LTBP1: variants seen among roughly 807,000 people sequenced by gnomAD.
LTBP1 encodes the protein latent transforming growth factor beta binding protein 1.
LTBP1 carries 129 observed loss-of-function variants against 207.6 expected under a neutral mutation model. The observed-to-expected ratio is 0.62, with a 90% CI of 0.54 to 0.72. LTBP1 has a LOEUF of 0.72. Among genes scored for constraint, LTBP1 ranks in the 30% least tolerant of loss-of-function variants. The pLI is 0.00. For synonymous variants in LTBP1, 963 were observed against 833.7 expected (o/e 1.16, Z -2.67); for missense variants, 2,281 against 2,217.2 (o/e 1.03, Z -0.58).
intron 7 of LTBP1, among the ~76,000 whole-genome samples, chr2:33,197,725 T>C (rs866569182): frequency 1.1e-4 from 17 of 152,310 alleles, no homozygotes; most frequent in African/African-American, 3.8e-4. Context: ...CCAGATGGTA[T>C]GAAAAGGCCT....
intron 5 of LTBP1, among the ~76,000 whole-genome samples, chr2:33,141,237 G>A (rs1407930649): frequency 6.6e-6 from 1 of 152,236 alleles, no homozygotes; most frequent in Non-Finnish European, 1.5e-5. Flanking sequence ...GATGCCTAAA[G>A]TAGTCAAGTT....
intron 24 of LTBP1, among the ~76,000 whole-genome samples, chr2:33,328,060 G>A (rs539796411): frequency 1.3e-5 from 2 of 151,548 alleles, no homozygotes; most frequent in Admixed American, 6.6e-5. Context: ...GCTTGAAACC[G>A]GAAGGTGAAG....
At chr2:33,170,288 G>A (rs1413919620) in intron 5 of LTBP1, among the ~76,000 whole-genome samples, 1 of 151,268 alleles carries the variant, frequency 6.6e-6, no homozygotes, top group Non-Finnish European at 1.5e-5. Context: ...GGAAAATCGG[G>A]TCACTCCCAC....
At chr2:33,188,413 G>A (rs2087445233) in intron 6 of LTBP1, among the ~76,000 whole-genome samples, 164 bp from the exon 7 acceptor site, 1 of 98,548 alleles carries the variant, frequency 1.0e-5, no homozygotes, top group Non-Finnish European at 2.0e-5. Context: ...GGTGACCAGA[G>A]CGAAACTCCA....
chr2:33,009,407 G>A (rs1284368360), intron 2 of LTBP1, among the ~76,000 whole-genome samples: 1 of 152,172 alleles, frequency 6.6e-6, no homozygotes, highest in African/African-American at 2.4e-5. Context: ...CCTTGCAGAT[G>A]TAATTATTTA....
chr2:33,126,288 C>T (rs1467545333), intron 4 of LTBP1, among the ~76,000 whole-genome samples: 2 of 152,050 alleles, frequency 1.3e-5, no homozygotes, highest in Non-Finnish European at 2.9e-5. Context: ...GGGTTAGTCT[C>T]GATCTCCTGA....
chr2:33,076,924 C>T (rs995101248), intron 3 of LTBP1, among the ~76,000 whole-genome samples: 1 of 152,040 alleles, frequency 6.6e-6, no homozygotes, highest in African/African-American at 2.4e-5. Flanking sequence ...TTCAGTGAGG[C>T]GAGGGGCTTA....
rs534942721 is a variant in LTBP1, at chr2:32,980,956, G to A, written c.565+32011G>A. On this transcript the variant is annotated intron_variant, in intron 2 of 33. Coordinates refer to ENST00000404816, the MANE Select transcript of LTBP1 (RefSeq NM_206943.4). Reference sequence around the variant, plus strand: ...AAAAGCCTGCTGCCAGATGTATTGCGCTCCATTGTATGTTACTTGTTTCTT... The same window carrying A: ...AAAAGCCTGCTGCCAGATGTATTGCACTCCATTGTATGTTACTTGTTTCTT... Among the ~76,000 whole-genome samples the A allele has an allele frequency of 3.3e-5, 5 of 152,174 alleles. No individual in the cohort carries two copies. In the East Asian group the frequency reaches 5.8e-4, roughly 18 times the overall value.
chr2:33,182,323 G>A (rs2086721633), intron 5 of LTBP1, among the ~76,000 whole-genome samples: 1 of 151,916 alleles, frequency 6.6e-6, no homozygotes, highest in African/African-American at 2.4e-5. Context: ...GCTGATATTG[G>A]GAATACCTTG....
At chr2:33,303,683 C>T (rs926179770) in intron 22 of LTBP1, among the ~76,000 whole-genome samples, 1 of 152,046 alleles carries the variant, frequency 6.6e-6, no homozygotes, top group African/African-American at 2.4e-5. Context: ...GAGCGTGCAA[C>T]CTAGATCCCT....
intron 9 of LTBP1, among the ~76,000 whole-genome samples, chr2:33,230,391 T>C (rs1197409717): frequency 6.6e-6 from 1 of 152,176 alleles, no homozygotes; most frequent in Non-Finnish European, 1.5e-5. Context: ...CTAGTGGTGC[T>C]GCAATTATCT....
chr2:33,097,303 G>A (rs866319259), intron 3 of LTBP1, among the ~76,000 whole-genome samples: 1 of 152,138 alleles, frequency 6.6e-6, no homozygotes, highest in Non-Finnish European at 1.5e-5. Flanking sequence ...AATAGTTCAA[G>A]TGGATGAAAT....
chr2:32,998,832 C>G (rs779732696), intron 2 of LTBP1, among the ~76,000 whole-genome samples: 1 of 152,220 alleles, frequency 6.6e-6, no homozygotes, highest in South Asian at 2.1e-4. Context: ...CCTGACTATG[C>G]TGGCACCCTG....
intron 2 of LTBP1, among the ~76,000 whole-genome samples, chr2:33,017,824 A>G (rs861712): frequency 0.89 from 136,165 of 152,162 alleles, 62,656 homozygotes; most frequent in East Asian, 1. Context: ...CACCGTGTTA[A>G]CCAGGATGGT....
intron 3 of LTBP1, among the ~76,000 whole-genome samples, chr2:33,023,561 A>G (rs1298607910): frequency 6.6e-6 from 1 of 152,188 alleles, no homozygotes; most frequent in Non-Finnish European, 1.5e-5. Context: ...AGGCATGTAT[A>G]TATGGGTGTG....
intron 3 of LTBP1, among the ~76,000 whole-genome samples, chr2:33,062,096 C>T (rs935005203): frequency 6.6e-6 from 1 of 152,114 alleles, no homozygotes; most frequent in African/African-American, 2.4e-5. Flanking sequence ...TATTAACCAT[C>T]TGTATATTCC....
chr2:33,140,155 T>C (rs2150734824), intron 5 of LTBP1, among the ~76,000 whole-genome samples: 1 of 152,294 alleles, frequency 6.6e-6, no homozygotes, highest in South Asian at 2.1e-4. Flanking sequence ...ACCGACCTAA[T>C]ACTGTGGTGC....
In LTBP1 at chr2:33,275,205, T is replaced by C. The variant is rs552248949; in HGVS notation, c.2869+115T>C. The C allele has an allele frequency of 1.1e-5, 13 of 1,236,416 alleles. No homozygotes were observed. The Admixed American group carries it at 1.2e-4, about 12-fold the overall frequency. The allele number at this position is 1,236,416 out of a possible 1,614,324, so 76.6% of individuals were successfully genotyped here. A position where few individuals can be genotyped will look rare whatever the true frequency, so the allele number is the denominator to read the frequency against. ...AACCCAGAATTTTTTATTAAACAAT[T>C]ATCATGACAGCAGTCTGCTAGATCC... is the stretch of plus-strand genomic sequence containing the variant. On this transcript the variant is annotated intron_variant, in intron 17 of 33. Transcript: ENST00000404816.
chr2:33,373,667 G>T (rs1178149897), intron 31 of LTBP1, among the ~76,000 whole-genome samples: 1 of 152,082 alleles, frequency 6.6e-6, no homozygotes, highest in Non-Finnish European at 1.5e-5. Flanking sequence ...ATAAGTAAAT[G>T]ATCTGAAATG....
Sources: allele counts gnomAD v4.1 joint callset (sites outside exome capture counted in the v4.1 genomes callset), GRCh38; gene constraint gnomAD v4.1.1; transcripts MANE v1.5; gene names NCBI Gene and HGNC (gene_info 2026-07-23, HGNC 2026-07-21).